The following ERLIN1 variants were observed in gnomAD, a reference collection of about 807,000 sequenced individuals.
ERLIN1 encodes the protein ER lipid raft associated 1, also known as erlin-1.
In ERLIN1, 24 loss-of-function variants were observed where a neutral mutation model predicts 46.9. That is an observed-to-expected ratio of 0.51 (90% CI 0.37 to 0.72). The LOEUF is 0.72. Ranked by LOEUF, ERLIN1 falls within the 30% of genes least tolerant of loss-of-function variation. The pLI is 0.00. For synonymous variants in ERLIN1, 158 were observed against 143.2 expected, an observed-to-expected ratio of 1.10 and a Z score of -0.74; for missense variants, 293 against 417.9, an observed-to-expected ratio of 0.70 and a Z score of 2.61.
Position 100,167,408 on chromosome 10 carries a change from T to C in ERLIN1, c.505-2A>G. The stretch of plus-strand genomic sequence containing the variant: ...TTTGGGTTTTGTAACACGCACAGCC[T>C]AAAAAATAAAAGTGAAAAAGCCAAA... On this transcript the variant is annotated splice_acceptor_variant, in intron 6 of 10. Transcript: ENST00000421367. LOFTEE classifies it high-confidence loss of function. The C allele has an allele frequency of 6.2e-7, 1 of 1,610,340 alleles. No homozygotes were observed.
chr10:100,169,882 G>A (rs1430603283), intron 6 of ERLIN1, among the ~76,000 whole-genome samples: 1 of 152,070 alleles, frequency 6.6e-6, no homozygotes, highest in Non-Finnish European at 1.5e-5. Context: ...GCCAGATGTG[G>A]GGGTGTGTAC....
At chr10:100,156,859 T>C (rs1843106428) in intron 8 of ERLIN1, among the ~76,000 whole-genome samples, 1 of 151,796 alleles carries the variant, frequency 6.6e-6, no homozygotes, top group South Asian at 2.1e-4. Context: ...AGAAAAAATT[T>C]ATAAAATTAG....
chr10:100,173,591 C>T (rs1331256792), intron 6 of ERLIN1, among the ~76,000 whole-genome samples: 3 of 152,164 alleles, frequency 2.0e-5, no homozygotes, highest in African/African-American at 2.4e-5. Context: ...CATTCTATTT[C>T]CCAACGTCAC....
chr10:100,158,663 A>G (rs1275838994), intron 8 of ERLIN1, among the ~76,000 whole-genome samples: 3 of 152,222 alleles, frequency 2.0e-5, no homozygotes, highest in Non-Finnish European at 4.4e-5. Context: ...TGATGGGAGG[A>G]TAAAGACAAC....
At chr10:100,179,548 C>T in intron 2 of ERLIN1, among the ~76,000 whole-genome samples, 1 of 152,046 alleles carries the variant, frequency 6.6e-6, no homozygotes, top group East Asian at 1.9e-4. Context: ...CCTCTGCCTC[C>T]TGGGTTCAGG....
intron 7 of ERLIN1, among the ~76,000 whole-genome samples, chr10:100,166,264 A>C (rs1843633483): frequency 6.6e-6 from 1 of 152,134 alleles, no homozygotes; most frequent in Admixed American, 6.5e-5. Context: ...TATGAAAAAT[A>C]CAAAATTTAG....
At position 100,152,225 on chromosome 10, in the gene ERLIN1, T is replaced by C; in HGVS notation, c.953A>G (p.Asp318Gly). The C allele has an allele frequency of 1.2e-6, 2 of 1,612,658 alleles. No individual in the cohort carries two copies. Among genetic ancestry groups the C allele is most frequent in the Non-Finnish European group, 1.7e-6 (2 of 1,178,680 alleles). The change falls in exon 11 of 11, where the codon GAT (aspartate) becomes GGT (glycine). Residue 318 changes from aspartate to glycine, a missense_variant. Physicochemically the swap from Asp to Gly is moderately conservative, Grantham distance 94. Around this residue, in one of 3 missense-constraint regions of ERLIN1, gnomAD observed 69 missense variants for 74.5 expected, o/e 0.93. Transcript: ENST00000421367. ...VDSSCALKYSDIRTGRESSLP... is the reference protein window; with the variant it reads ...VDSSCALKYSGIRTGRESSLP... ...TGAGCTTTCTCTTCCAGTCCTAATA[T>C]CTGAATATTTCAAAGCACATGAGGA...
chr10:100,180,766 C>T (rs1035857876), intron 2 of ERLIN1, among the ~76,000 whole-genome samples: 8 of 152,092 alleles, frequency 5.3e-5, no homozygotes, highest in Admixed American at 2.6e-4. Flanking sequence ...AGTCACAAAA[C>T]GAACCATTCA....
intron 6 of ERLIN1, among the ~76,000 whole-genome samples, chr10:100,171,269 G>T (rs991530616): frequency 2.0e-5 from 3 of 151,878 alleles, no homozygotes; most frequent in African/African-American, 7.3e-5. Context: ...AAATGACAAA[G>T]AAAAAATTTG....
chr10:100,185,247 CCTT>C (rs1010257292), intron 1 of ERLIN1, among the ~76,000 whole-genome samples: 4 of 152,162 alleles, frequency 2.6e-5, no homozygotes, highest in African/African-American at 2.4e-5. Context: ...TTCCTTTCTT[CCTT>C]CTTCATTTTT....
chr10:100,152,076 C>T lies in ERLIN1; in HGVS notation c.*55G>A. On this transcript the variant is annotated 3_prime_UTR_variant, in exon 11 of 11. Transcript: ENST00000421367. ...CTGAAGAGTCCGTATAATGATTGTTCCCACTTAACCCCTTGGGCCACATCT... is the reference window on the plus strand; with the variant it reads ...CTGAAGAGTCCGTATAATGATTGTTTCCACTTAACCCCTTGGGCCACATCT... The T allele has an allele frequency of 1.9e-6, 2 of 1,079,276 alleles. No individual in the cohort carries two copies. Among genetic ancestry groups the T allele is most frequent in the South Asian group, 1.3e-5 (1 of 78,780 alleles). 66.9% of individuals were successfully genotyped at this position (1,079,276 alleles called of 1,614,324 possible).
intron 2 of ERLIN1, among the ~76,000 whole-genome samples, chr10:100,180,194 C>G (rs192842255): frequency 6.6e-6 from 1 of 152,314 alleles, no homozygotes; most frequent in Non-Finnish European, 1.5e-5. Context: ...TTGTTCAGAT[C>G]CAGAATGAAT....
At chr10:100,156,004 G>C in intron 9 of ERLIN1, 141 bp downstream of exon 9, 1 of 535,500 alleles carries the variant, frequency 1.9e-6, no homozygotes, top group Non-Finnish European at 3.4e-6. Context: ...AATTTATTTA[G>C]ACTATCAGGC....
At position 100,151,781 on chromosome 10, in the gene ERLIN1, T is replaced by C. The variant is rs1414820882; in HGVS notation, c.*350A>G. Reference sequence around the variant, plus strand: ...AGCATACATTTCCCCGGGGGACGAATGTAAACATTATTCAACAGATCTCAG... The same window carrying C: ...AGCATACATTTCCCCGGGGGACGAACGTAAACATTATTCAACAGATCTCAG... On this transcript the variant is annotated 3_prime_UTR_variant, in exon 11 of 11. Transcript: ENST00000421367. 2.9e-6 allele frequency: 1 copy of C among 341,924 alleles called. No individual in the cohort carries two copies. The highest frequency in any genetic ancestry group is 5.7e-6 in the Non-Finnish European group (1 of 175,274). 21.2% of individuals were successfully genotyped at this position (341,924 alleles called of 1,614,324 possible).
intron 4 of ERLIN1, among the ~76,000 whole-genome samples, chr10:100,177,090 C>G (rs1844355103): frequency 6.6e-6 from 1 of 152,050 alleles, no homozygotes; most frequent in South Asian, 2.1e-4. Context: ...CCACTGCACT[C>G]CAGCCTGGGT....
chr10:100,165,677 G>A (rs1164936770), intron 7 of ERLIN1, among the ~76,000 whole-genome samples: 6 of 152,016 alleles, frequency 3.9e-5, no homozygotes, highest in South Asian at 2.1e-4. Flanking sequence ...ATGAGCCACC[G>A]CACCCAGCCT....
In ERLIN1 at chr10:100,163,987, C is replaced by A; in HGVS notation, c.655+17G>T. 1 of 1,519,632 alleles carries A rather than the reference C, an allele frequency of 6.6e-7. No homozygotes were observed. The highest frequency in any genetic ancestry group is 9.1e-7 in the Non-Finnish European group (1 of 1,096,162). 94.1% of individuals were successfully genotyped at this position (1,519,632 alleles called of 1,614,324 possible). On this transcript the variant is annotated intron_variant, in intron 8 of 10. Coordinates refer to ENST00000421367, the MANE Select transcript of ERLIN1 (RefSeq NM_006459.4). The stretch of plus-strand genomic sequence containing the variant: ...CAAATGTACTTAGAGACAATCATTT[C>A]AGAGAAATCCAAGTACCTATAACTG...
rs777455109 is a variant in ERLIN1 at position 100,179,212 on chromosome 10, A to C, written c.231T>G (p.Pro77=). 3 of 1,596,082 alleles carry C rather than the reference A, an allele frequency of 1.9e-6. No homozygotes were observed. Among genetic ancestry groups the C allele is most frequent in the Admixed American group, 3.5e-5 (2 of 57,284 alleles). Residue 77 remains proline (P), a synonymous_variant, in exon 3 of 11, where the codon CCT becomes CCG. Coordinates refer to ENST00000421367, the MANE Select transcript of ERLIN1 (RefSeq NM_006459.4). ...TLQTDEVKNV[P]CGTSGGVMIY... ...AAGAGAAAGCTTACCTTGTTCCACAAGGCACATTTTTAACTTCATCAGTTT... is the reference window on the plus strand; with the variant it reads ...AAGAGAAAGCTTACCTTGTTCCACACGGCACATTTTTAACTTCATCAGTTT...
At chr10:100,156,514 A>G (rs912889274) in intron 8 of ERLIN1, among the ~76,000 whole-genome samples, 8 of 152,372 alleles carry the variant, frequency 5.3e-5, no homozygotes, top group Non-Finnish European at 1.5e-5. Context: ...GCAACGGTCC[A>G]CAAGCTAATG....
Sources: gnomAD v4.1 joint callset for allele counts (sites outside exome capture counted in the v4.1 genomes callset) on GRCh38, gnomAD v4.1.1 for gene constraint, gnomAD v4.1.1 regional missense constraint, MANE v1.5 for transcripts, NCBI Gene and HGNC (gene_info 2026-07-23, HGNC 2026-07-21) for gene names.